TTLL4: variants seen among roughly 807,000 people sequenced by gnomAD.
TTLL4 encodes the protein tubulin tyrosine ligase like 4, also known as tubulin monoglutamylase TTLL4.
A neutral mutation model predicts 122.7 loss-of-function variants in TTLL4; 85 were observed. The ratio of observed to expected loss-of-function variants is 0.69; its 90% CI spans 0.58 to 0.83. TTLL4 has a LOEUF of 0.83. Among genes scored for constraint, TTLL4 ranks in the 40% least tolerant of loss-of-function variants. The pLI is 0.00. For missense variants in TTLL4, 1,363 were observed against 1,488.6 expected, an observed-to-expected ratio of 0.92 and a Z score of 1.39; for synonymous variants, 553 against 563.0, an observed-to-expected ratio of 0.98 and a Z score of 0.25.
chr2:218,737,646 T>TGA lies in TTLL4; in HGVS notation c.-28_-27dup. ...GTGGCACCTTACCTCAGCAAGGCCA[T>TGA]GAGACCGTGTGGCCATGATGTGGGC... On this transcript the variant is annotated 5_prime_UTR_variant, in exon 3 of 20. The change abolishes the stop of an existing upstream ORF in the 5' untranslated region. Coordinates refer to ENST00000392102, the MANE Select transcript of TTLL4 (RefSeq NM_014640.5). 6.5e-7 allele frequency: 1 copy of TGA among 1,546,128 alleles called. No homozygotes were observed. Among genetic ancestry groups the TGA allele is most frequent in the Non-Finnish European group, 8.7e-7 (1 of 1,146,680 alleles).
chr2:218,749,169 C>T, intron 13 of TTLL4, 84 bp from the exon 14 acceptor site: 2 of 1,565,488 alleles, frequency 1.3e-6, no homozygotes, highest in Middle Eastern at 3.4e-4. Context: ...CTGCCTATCT[C>T]TGGGCCACTC....
intron 2 of TTLL4, among the ~76,000 whole-genome samples, chr2:218,728,921 ATTTTTTT>A (rs1191716175): frequency 1.4e-5 from 1 of 69,214 alleles, no homozygotes; most frequent in African/African-American, 5.1e-5. Context: ...CTGGTGGTCT[ATTTTTTT>A]TTTTTTTTTT....
At chr2:218,726,064 A>G (rs531298844) in intron 1 of TTLL4, among the ~76,000 whole-genome samples, 6 of 152,178 alleles carry the variant, frequency 3.9e-5, no homozygotes, top group Admixed American at 6.5e-5. Flanking sequence ...TCCCCTTCAA[A>G]TTGAAGAACT....
At chr2:218,740,009 A>G in intron 3 of TTLL4, 49 bp from the exon 4 acceptor site, 1 of 1,538,424 alleles carries the variant, frequency 6.5e-7, no homozygotes, top group Non-Finnish European at 9.0e-7. Flanking sequence ...TCTAACTGTG[A>G]CCTCTTTGAT....
chr2:218,740,283 TG>T (rs1942663370), intron 4 of TTLL4, 116 bp downstream of exon 4: 1 of 1,102,880 alleles, frequency 9.1e-7, no homozygotes, highest in Admixed American at 2.2e-5. Context: ...TCATTTGCTT[TG>T]GGGGTCTTAA....
intron 15 of TTLL4, among the ~76,000 whole-genome samples, chr2:218,750,800 G>A (rs1942995573): frequency 6.6e-6 from 1 of 152,018 alleles, no homozygotes; most frequent in Non-Finnish European, 1.5e-5. Flanking sequence ...AGCCAGACCC[G>A]CTGTTAACCT....
intron 1 of TTLL4, among the ~76,000 whole-genome samples, chr2:218,722,354 A>G (rs1311360433): frequency 8.7e-6 from 1 of 114,626 alleles, no homozygotes; most frequent in African/African-American, 3.7e-5. Flanking sequence ...TTCTTTGTTC[A>G]TCTTTTTTTT....
At chr2:218,713,805 C>T (rs1453076873) in intron 1 of TTLL4, among the ~76,000 whole-genome samples, 3 of 152,060 alleles carry the variant, frequency 2.0e-5, no homozygotes, top group African/African-American at 4.8e-5. Context: ...TTATAGTGGC[C>T]TAGGCTAGAG....
chr2:218,722,205 A>G (rs1271813557), intron 1 of TTLL4, among the ~76,000 whole-genome samples: 3 of 152,184 alleles, frequency 2.0e-5, no homozygotes, highest in Non-Finnish European at 2.9e-5. Flanking sequence ...CCATGAGCCC[A>G]GGAGGTCAAA....
Position 218,748,941 on chromosome 2 carries a change from C to T in TTLL4, c.2600+7C>T, listed in dbSNP as rs369116694. 7 of 1,613,694 alleles carry T rather than the reference C, an allele frequency of 4.3e-6. No homozygotes were observed. Among genetic ancestry groups the T allele is most frequent in the Non-Finnish European group, 5.9e-6 (7 of 1,179,856 alleles). The stretch of plus-strand genomic sequence containing the variant: ...TTGTCAAAACTATCATCTCGTGAGT[C>T]ACATTGCCAACCTGGATGTGGGGCC... On this transcript the variant is annotated splice_region_variant and intron_variant, in intron 13 of 19. Transcript: ENST00000392102.
intron 1 of TTLL4, among the ~76,000 whole-genome samples, chr2:218,724,572 A>G (rs1363992455): frequency 6.6e-6 from 1 of 152,188 alleles, no homozygotes; most frequent in Non-Finnish European, 1.5e-5. Flanking sequence ...AATGACCTCT[A>G]GTTCCATACA....
intron 1 of TTLL4, among the ~76,000 whole-genome samples, chr2:218,716,646 G>A (rs550404368): frequency 1.3e-5 from 2 of 152,096 alleles, no homozygotes; most frequent in African/African-American, 2.4e-5. Context: ...AAAATTAGCC[G>A]GGCGTGGTAG....
intron 7 of TTLL4, 172 bp downstream of exon 7, chr2:218,745,973 C>G (rs1942832150): frequency 1.1e-6 from 1 of 880,108 alleles, no homozygotes; most frequent in African/African-American, 1.7e-5. Context: ...GCCTGTTGTT[C>G]AGAATTGAGA....
chr2:218,727,737 C>G (rs1446877873), intron 2 of TTLL4, among the ~76,000 whole-genome samples: 1 of 152,030 alleles, frequency 6.6e-6, no homozygotes, highest in Non-Finnish European at 1.5e-5. Flanking sequence ...CAAAGTGAGA[C>G]TCTGTCTCAA....
intron 8 of TTLL4, chr2:218,746,458 G>A (rs1942845656): frequency 1.8e-6 from 1 of 559,936 alleles, no homozygotes; most frequent in African/African-American, 1.9e-5. Flanking sequence ...CCTATGTAGG[G>A]GGCAGCTGAG....
In TTLL4 at chr2:218,754,123, A is replaced by G. The variant is rs1943098536; in HGVS notation, c.3345-11A>G. ...GTCTCAGTCATTTCTTTCACCACCT[A>G]TTCCCTCCAGAAAACAAAGCTCCTG... On this transcript the variant is annotated splice_polypyrimidine_tract_variant and intron_variant, in intron 19 of 19. Coordinates refer to ENST00000392102, the MANE Select transcript of TTLL4 (RefSeq NM_014640.5). 12 of 1,613,880 alleles carry G rather than the reference A, an allele frequency of 7.4e-6. No individual in the cohort carries two copies. Among genetic ancestry groups the G allele is most frequent in the African/African-American group, 2.7e-5 (2 of 74,860 alleles).
chr2:218,745,147 A>C lies in TTLL4; in HGVS notation c.1700A>C (p.His567Pro), dbSNP rs758345708. The change falls in exon 6 of 20, where the codon CAT (histidine) becomes CCT (proline). Residue 567 changes from histidine (H) to proline (P), a missense_variant. Physicochemically the swap from His to Pro is moderately conservative, Grantham distance 77. Coordinates refer to ENST00000392102, the MANE Select transcript of TTLL4 (RefSeq NM_014640.5). Reference sequence around the variant, plus strand: ...ATTCTGACCAAACCCCTTTCCAATCATGAGAAAGTTGTCCGACCAGCCCTC... The same window carrying C: ...ATTCTGACCAAACCCCTTTCCAATCCTGAGAAAGTTGTCCGACCAGCCCTC... The part of the protein sequence containing the change: ...MEILTKPLSN[H>P]EKVVRPALIY... 2 of 1,613,988 alleles carry C rather than the reference A, an allele frequency of 1.2e-6. No homozygotes were observed. The highest frequency in any genetic ancestry group is 1.7e-6 in the Non-Finnish European group (2 of 1,179,968).
In TTLL4 at chr2:218,738,356, G is replaced by C. The variant is rs762523143; in HGVS notation, c.680G>C (p.Ser227Thr). ...LNNNSFMWPN[S>T]TPVPLLQTTQ... is the part of the protein sequence containing the mutation. The stretch of plus-strand genomic sequence containing the variant: ...AATAATTCCTTCATGTGGCCAAATA[G>C]CACGCCAGTGCCTTTATTGCAGACC... The change falls in exon 3 of 20, where the codon AGC becomes ACC. Residue 227 changes from serine (S) to threonine (T), a missense_variant. By Grantham distance (58) the Ser-to-Thr change is moderately conservative. Transcript: ENST00000392102. 9.3e-6 allele frequency: 15 copies of C among 1,614,012 alleles called. No homozygotes were observed. Among genetic ancestry groups the C allele is most frequent in the African/African-American group, 1.3e-5 (1 of 74,918 alleles).
At chr2:218,730,532 TAAAATA>T (rs1047117840) in intron 2 of TTLL4, among the ~76,000 whole-genome samples, 6 of 150,930 alleles carry the variant, frequency 4.0e-5, no homozygotes, top group Admixed American at 6.6e-5. Context: ...AATAAATAAA[TAAAATA>T]AAAAAGAAAT....
Sources: gnomAD v4.1 joint callset for allele counts (sites outside exome capture counted in the v4.1 genomes callset) on GRCh38, gnomAD v4.1.1 for gene constraint, MANE v1.5 for transcripts, NCBI Gene and HGNC (gene_info 2026-07-23, HGNC 2026-07-21) for gene names.